CCDC148: variants seen among roughly 807,000 people sequenced by gnomAD.
CCDC148 encodes the protein coiled-coil domain containing 148.
A neutral mutation model predicts 85.7 loss-of-function variants in CCDC148; 89 were observed. That is an observed-to-expected ratio of 1.04 (90% CI 0.87 to 1.24). The LOEUF (loss-of-function observed/expected upper bound fraction) is 1.24, where lower values mean the gene tolerates loss of function less well. CCDC148 is among the 50% of genes most tolerant of loss of function. CCDC148 has a pLI of 0.00. For synonymous variants in CCDC148, 230 were observed against 213.9 expected (o/e 1.08, Z -0.66); for missense variants, 692 against 671.7 (o/e 1.03, Z -0.33).
At chr2:158,275,035 G>T (rs1195168069) in intron 9 of CCDC148, among the ~76,000 whole-genome samples, 3 of 152,246 alleles carry the variant, frequency 2.0e-5, no homozygotes, top group Admixed American at 6.5e-5. Context: ...GCCTTGGCAG[G>T]AGTGTTGGAG....
At chr2:158,212,843 A>G (rs1389457800) in intron 11 of CCDC148, among the ~76,000 whole-genome samples, 1 of 152,160 alleles carries the variant, frequency 6.6e-6, no homozygotes, top group Non-Finnish European at 1.5e-5. Context: ...TTTCACCTAT[A>G]TGACCTCTCT....
intron 1 of CCDC148, among the ~76,000 whole-genome samples, chr2:158,435,826 C>A (rs1006824522): frequency 1.1e-4 from 16 of 152,130 alleles, no homozygotes; most frequent in African/African-American, 3.9e-4. Flanking sequence ...GGGTTGCAAT[C>A]CTAGTCTCTG....
At chr2:158,408,291 T>C (rs186495034) in intron 1 of CCDC148, among the ~76,000 whole-genome samples, 25 of 152,172 alleles carry the variant, frequency 1.6e-4, no homozygotes, top group Non-Finnish European at 3.7e-4. Context: ...CAATACAGTA[T>C]TATTAACTAT....
At position 158,220,592 on chromosome 2, in the gene CCDC148, T is replaced by C. The variant is rs200561132; in HGVS notation, c.1370+3A>G. 4 of 1,597,264 alleles carry C rather than the reference T, an allele frequency of 2.5e-6. No individual in the cohort carries two copies. The African/African-American group carries it at 4.0e-5, about 16-fold the overall frequency. ...TACCACACAATTTTAAATTTTCTTTTACCTTTCTCTGTCTTTTAGTGACTG... is the reference window on the plus strand; with the variant it reads ...TACCACACAATTTTAAATTTTCTTTCACCTTTCTCTGTCTTTTAGTGACTG... On this transcript the variant is annotated splice_donor_region_variant and intron_variant, in intron 11 of 13. Transcript: ENST00000283233.
intron 7 of CCDC148, among the ~76,000 whole-genome samples, chr2:158,329,585 A>G (rs536691567): frequency 2.0e-5 from 3 of 152,094 alleles, no homozygotes; most frequent in African/African-American, 7.2e-5. Context: ...CATTGAATCT[A>G]TAAATTACCT....
At chr2:158,454,675 A>C (rs993175414) in intron 1 of CCDC148, among the ~76,000 whole-genome samples, 7 of 152,240 alleles carry the variant, frequency 4.6e-5, no homozygotes, top group African/African-American at 1.4e-4. Context: ...TGTTCCAGAT[A>C]ATCATCCTCC....
chr2:158,226,540 G>A (rs538151001), intron 10 of CCDC148, among the ~76,000 whole-genome samples: 7 of 152,168 alleles, frequency 4.6e-5, no homozygotes, highest in East Asian at 3.9e-4. Flanking sequence ...GATGAACATC[G>A]ATGCAAAAAT....
intron 1 of CCDC148, among the ~76,000 whole-genome samples, chr2:158,433,279 A>ATATATATATATAT (rs1559141769): frequency 1.0e-5 from 1 of 99,040 alleles, no homozygotes; most frequent in Non-Finnish European, 2.5e-5. Flanking sequence ...TATATATATA[A>ATATATATATATAT]AACAAAAGCA....
intron 2 of CCDC148, among the ~76,000 whole-genome samples, chr2:158,357,240 A>T (rs1253785798): frequency 6.6e-6 from 1 of 152,038 alleles, no homozygotes; most frequent in South Asian, 2.1e-4. Context: ...AAAAAATAAA[A>T]AAAAAGAAGA....
chr2:158,454,324 G>A (rs1377603297), intron 1 of CCDC148, among the ~76,000 whole-genome samples: 1 of 152,178 alleles, frequency 6.6e-6, no homozygotes, highest in Non-Finnish European at 1.5e-5. Flanking sequence ...AAAAATCTTT[G>A]GAGGAGAGGG....
At chr2:158,193,897 C>A (rs1278812095) in intron 11 of CCDC148, among the ~76,000 whole-genome samples, 2 of 127,682 alleles carry the variant, frequency 1.6e-5, no homozygotes, top group East Asian at 5.3e-4. Context: ...GTGATGTTCC[C>A]CCTTCTGTGT....
At chr2:158,417,442 G>T (rs902674554) in intron 1 of CCDC148, among the ~76,000 whole-genome samples, 1 of 152,184 alleles carries the variant, frequency 6.6e-6, no homozygotes, top group Non-Finnish European at 1.5e-5. Context: ...GGGCTTCTTG[G>T]AGCCAACAAA....
intron 3 of CCDC148, 94 bp downstream of exon 3, chr2:158,345,121 G>T: frequency 2.6e-6 from 2 of 774,798 alleles, no homozygotes; most frequent in South Asian, 5.3e-5. Flanking sequence ...TTATTATAAT[G>T]GTTAATTAAC....
At chr2:158,378,748 G>A (rs2105286375) in intron 1 of CCDC148, among the ~76,000 whole-genome samples, 1 of 152,176 alleles carries the variant, frequency 6.6e-6, no homozygotes, top group Non-Finnish European at 1.5e-5. Flanking sequence ...CTCTATAAAT[G>A]GAGCAACAAA....
At chr2:158,287,406 T>G (rs1559045497) in intron 9 of CCDC148, among the ~76,000 whole-genome samples, 1 of 152,128 alleles carries the variant, frequency 6.6e-6, no homozygotes, top group Non-Finnish European at 1.5e-5. Context: ...GCACGTCCCT[T>G]CTACCTATGA....
intron 10 of CCDC148, among the ~76,000 whole-genome samples, chr2:158,223,182 G>C (rs1282250081): frequency 1.3e-5 from 2 of 152,184 alleles, no homozygotes; most frequent in East Asian, 3.8e-4. Context: ...CCCTCGCCTG[G>C]CTTGGAGGGT....
intron 9 of CCDC148, among the ~76,000 whole-genome samples, chr2:158,269,503 C>G (rs1390922612): frequency 6.6e-6 from 1 of 152,174 alleles, no homozygotes; most frequent in East Asian, 1.9e-4. Context: ...AAAACTTATT[C>G]ATTCTGAAGC....
chr2:158,365,142 A>G (rs1684139790), intron 1 of CCDC148, among the ~76,000 whole-genome samples: 1 of 152,208 alleles, frequency 6.6e-6, no homozygotes, highest in Admixed American at 6.5e-5. Context: ...CAATCATTAA[A>G]AAGTCAGGAA....
intron 9 of CCDC148, among the ~76,000 whole-genome samples, chr2:158,266,420 C>T (rs1420597214): frequency 1.3e-5 from 2 of 152,150 alleles, no homozygotes; most frequent in Non-Finnish European, 2.9e-5. Context: ...GATTTGTATG[C>T]ACAATTTCCA....
Sources: allele counts gnomAD v4.1 joint callset (sites outside exome capture counted in the v4.1 genomes callset), GRCh38; gene constraint gnomAD v4.1.1; transcripts MANE v1.5; gene names NCBI Gene and HGNC (gene_info 2026-07-23, HGNC 2026-07-21).